CRTC3: variants seen among roughly 807,000 people sequenced by gnomAD.
CRTC3 encodes the protein CREB regulated transcription coactivator 3, also known as CREB-regulated transcription coactivator 3.
A neutral mutation model predicts 74.5 loss-of-function variants in CRTC3; 26 were observed. That is an observed-to-expected ratio of 0.35 (90% CI 0.26 to 0.48). CRTC3 has a LOEUF of 0.48. Ranked by LOEUF, CRTC3 falls within the 20% of genes least tolerant of loss-of-function variation. The pLI, the probability that CRTC3 is intolerant of heterozygous loss-of-function variation, is 0.99. For missense variants in CRTC3, 760 were observed against 787.3 expected, an observed-to-expected ratio of 0.97 and a Z score of 0.41; for synonymous variants, 377 against 325.8, an observed-to-expected ratio of 1.16 and a Z score of -1.69.
intron 11 of CRTC3, among the ~76,000 whole-genome samples, chr15:90,633,497 G>A (rs1202682509): frequency 2.0e-5 from 3 of 152,040 alleles, no homozygotes; most frequent in South Asian, 2.1e-4. Flanking sequence ...AGTGCCATTC[G>A]GACTCTTAAC....
intron 13 of CRTC3, 127 bp from the exon 14 acceptor site, chr15:90,640,970 A>T (rs1190480345): frequency 1.5e-6 from 1 of 673,628 alleles, no homozygotes; most frequent in Non-Finnish European, 2.7e-6. Flanking sequence ...GCACTCTGGG[A>T]TCCTGGAAAG....
At chr15:90,600,102 A>G (rs936840012) in intron 3 of CRTC3, among the ~76,000 whole-genome samples, 7 of 152,194 alleles carry the variant, frequency 4.6e-5, no homozygotes, top group African/African-American at 1.7e-4. Context: ...CCTAATAGTG[A>G]ATGTTGAAGA....
chr15:90,579,940 C>G (rs1276782722), intron 2 of CRTC3, among the ~76,000 whole-genome samples: 1 of 152,126 alleles, frequency 6.6e-6, no homozygotes, highest in Non-Finnish European at 1.5e-5. Flanking sequence ...CCTGCCCAGA[C>G]ACGTATTTTA....
chr15:90,533,278 C>T (rs939323227), intron 1 of CRTC3, among the ~76,000 whole-genome samples: 11 of 150,790 alleles, frequency 7.3e-5, no homozygotes, highest in Non-Finnish European at 2.9e-5. Flanking sequence ...GTGGCGGGCG[C>T]CTGTAGTCCC....
intron 2 of CRTC3, among the ~76,000 whole-genome samples, chr15:90,571,503 T>A (rs7180053): frequency 3.3e-5 from 5 of 151,944 alleles, no homozygotes; most frequent in African/African-American, 7.3e-5. Flanking sequence ...AGGCTGGAGC[T>A]TGAAGTAGGA....
intron 14 of CRTC3, among the ~76,000 whole-genome samples, chr15:90,641,566 G>T (rs7171533): frequency 9.9e-5 from 15 of 151,984 alleles, no homozygotes; most frequent in African/African-American, 3.6e-4. Context: ...TGGGCATGGC[G>T]GCGGGCGCCT....
At chr15:90,605,945 G>C (rs4244882) in intron 5 of CRTC3, among the ~76,000 whole-genome samples, 35,338 of 152,202 alleles carry the variant, frequency 0.23, 4,348 homozygotes, top group African/African-American at 0.3. Flanking sequence ...TTTCTTTTAG[G>C]ACTACTTTAC....
chr15:90,634,114 TTAA>T (rs1424257011), intron 11 of CRTC3, among the ~76,000 whole-genome samples: 7 of 89,936 alleles, frequency 7.8e-5, no homozygotes, highest in Admixed American at 3.5e-4. Context: ...CCCTCAACAA[TTAA>T]TTTTTTTTTT....
intron 2 of CRTC3, among the ~76,000 whole-genome samples, chr15:90,554,423 G>A (rs949430839): frequency 2.0e-5 from 3 of 152,012 alleles, no homozygotes; most frequent in Admixed American, 6.5e-5. Flanking sequence ...GGCTAGTCTC[G>A]ATCTCCTGAC....
At chr15:90,580,304 G>A (rs1211080119) in intron 2 of CRTC3, among the ~76,000 whole-genome samples, 3 of 152,162 alleles carry the variant, frequency 2.0e-5, no homozygotes, top group African/African-American at 4.8e-5. Flanking sequence ...TTACTCCTCA[G>A]TAACTCCTAA....
At position 90,540,786 on chromosome 15, in the gene CRTC3, TA is replaced by T. The variant is rs1221407642; in HGVS notation, c.231+656del. Among the ~76,000 whole-genome samples, 4 of 151,758 alleles carry T rather than the reference TA, an allele frequency of 2.6e-5. No individual in the cohort carries two copies. In the South Asian group the frequency reaches 8.3e-4, roughly 32 times the overall value. On this transcript the variant is annotated intron_variant, in intron 2 of 14. Coordinates refer to ENST00000268184, the MANE Select transcript of CRTC3 (RefSeq NM_022769.5). ...AGACTGTCTCAAAAAAAAATAAAAA[TA>T]AAAAAATAAATATTTAATCCAATAT...
chr15:90,638,342 A>G, intron 11 of CRTC3, 104 bp from the exon 12 acceptor site: 1 of 956,008 alleles, frequency 1.0e-6, no homozygotes, highest in East Asian at 2.5e-5. Flanking sequence ...CACCGCGGTG[A>G]GGAAAATCTC....
At chr15:90,576,748 C>CA (rs1427453353) in intron 2 of CRTC3, among the ~76,000 whole-genome samples, 1 of 152,096 alleles carries the variant, frequency 6.6e-6, no homozygotes, top group Non-Finnish European at 1.5e-5. Context: ...TCCAGTGTTC[C>CA]AAGAGGTCAG....
At chr15:90,633,237 ATATGTATCTATGTGTATGAC>A (rs1300313446) in intron 11 of CRTC3, among the ~76,000 whole-genome samples, 2 of 146,550 alleles carry the variant, frequency 1.4e-5, no homozygotes, top group African/African-American at 5.5e-5. Context: ...CTGGTTATCT[ATATGTATCTATGTGTATGAC>A]TAATTCAGTC....
At chr15:90,636,082 A>G (rs1232021217) in intron 11 of CRTC3, among the ~76,000 whole-genome samples, 661 of 118,330 alleles carry the variant, frequency 5.6e-3, no homozygotes, top group African/African-American at 9.1e-3. Context: ...GAACCGAAAA[A>G]GAGCCCACAT....
At chr15:90,572,688 G>A (rs544871284) in intron 2 of CRTC3, among the ~76,000 whole-genome samples, 2 of 152,222 alleles carry the variant, frequency 1.3e-5, no homozygotes, top group African/African-American at 4.8e-5. Context: ...CAGTTCTCCT[G>A]CCTCAGCCTC....
At chr15:90,575,508 T>G (rs1967383276) in intron 2 of CRTC3, among the ~76,000 whole-genome samples, 3 of 152,250 alleles carry the variant, frequency 2.0e-5, no homozygotes. Flanking sequence ...AGGTATGCAG[T>G]GTGAATCTGG....
chr15:90,531,299 T>A (rs7496379), intron 1 of CRTC3, among the ~76,000 whole-genome samples: 11 of 151,914 alleles, frequency 7.2e-5, no homozygotes, highest in Admixed American at 6.6e-4. Context: ...TAACACTAAT[T>A]CTGAATTCCT....
At chr15:90,586,507 G>A (rs1009128704) in intron 2 of CRTC3, among the ~76,000 whole-genome samples, 5 of 151,438 alleles carry the variant, frequency 3.3e-5, no homozygotes, top group East Asian at 1.9e-4. Context: ...CTGGGACTAC[G>A]GACTCTCACT....
Sources: allele counts gnomAD v4.1 joint callset (sites outside exome capture counted in the v4.1 genomes callset), GRCh38; gene constraint gnomAD v4.1.1; transcripts MANE v1.5; gene names NCBI Gene and HGNC (gene_info 2026-07-23, HGNC 2026-07-21).